Variants in NT5DC1 observed in about 807,000 individuals in gnomAD.
The protein encoded by NT5DC1 is 5'-nucleotidase domain containing 1, also known as 5'-nucleotidase domain-containing protein 1.
Under a neutral mutation model 59.4 loss-of-function variants are expected in NT5DC1, and 42 were observed. The ratio of observed to expected loss-of-function variants is 0.71; its 90% CI spans 0.55 to 0.92. The LOEUF (loss-of-function observed/expected upper bound fraction) is 0.92. NT5DC1 is among the 40% of genes least tolerant of loss of function. NT5DC1 has a pLI of 0.00. For missense variants in NT5DC1, 501 were observed against 537.1 expected (o/e 0.93, Z 0.66); for synonymous variants, 172 against 188.1 (o/e 0.91, Z 0.70).
At chr6:116,216,960 A>C (rs1781698892) in intron 6 of NT5DC1, among the ~76,000 whole-genome samples, 1 of 152,164 alleles carries the variant, frequency 6.6e-6, no homozygotes, top group South Asian at 2.1e-4. Flanking sequence ...TCTGCAATGG[A>C]AACAACAGAC....
intron 6 of NT5DC1, among the ~76,000 whole-genome samples, chr6:116,138,463 T>C (rs1779678918): frequency 6.6e-6 from 1 of 152,208 alleles, no homozygotes; most frequent in Non-Finnish European, 1.5e-5. Flanking sequence ...AACACTGTTT[T>C]TAATTCTTTA....
intron 6 of NT5DC1, among the ~76,000 whole-genome samples, chr6:116,156,936 C>A (rs532372642): frequency 4.3e-4 from 65 of 152,212 alleles, no homozygotes; most frequent in South Asian, 3.5e-3. Flanking sequence ...GTGCATTGAC[C>A]AGCCACTCAC....
At chr6:116,154,173 A>G (rs563414166) in intron 6 of NT5DC1, among the ~76,000 whole-genome samples, 1 of 151,990 alleles carries the variant, frequency 6.6e-6, no homozygotes, top group African/African-American at 2.4e-5. Flanking sequence ...GAGTCTATTG[A>G]TTTTACTTTT....
At chr6:116,161,570 C>G (rs547364450) in intron 6 of NT5DC1, among the ~76,000 whole-genome samples, 1 of 152,148 alleles carries the variant, frequency 6.6e-6, no homozygotes, top group South Asian at 2.1e-4. Flanking sequence ...GTTCTCTATT[C>G]TGCTCCATTG....
intron 6 of NT5DC1, among the ~76,000 whole-genome samples, chr6:116,184,646 C>T (rs1222672212): frequency 6.6e-6 from 1 of 152,004 alleles, no homozygotes; most frequent in South Asian, 2.1e-4. Context: ...TTATCCATCT[C>T]CTCTAGGTTT....
chr6:116,231,062 C>T (rs900181936), intron 8 of NT5DC1, among the ~76,000 whole-genome samples: 2 of 142,162 alleles, frequency 1.4e-5, no homozygotes, highest in African/African-American at 5.2e-5. Flanking sequence ...GCCGAGATAG[C>T]GCCATTGCAC....
intron 6 of NT5DC1, among the ~76,000 whole-genome samples, chr6:116,131,536 A>G (rs1779465328): frequency 6.6e-6 from 1 of 152,210 alleles, no homozygotes; most frequent in Non-Finnish European, 1.5e-5. Context: ...AGATCATTGC[A>G]GAACATTGTG....
At chr6:116,122,159 C>T (rs554426205) in intron 6 of NT5DC1, among the ~76,000 whole-genome samples, 1 of 152,224 alleles carries the variant, frequency 6.6e-6, no homozygotes, top group South Asian at 2.1e-4. Flanking sequence ...GATGGTTTCA[C>T]AAAACCATGG....
At chr6:116,122,791 A>G (rs771119848) in intron 6 of NT5DC1, among the ~76,000 whole-genome samples, 88 of 152,230 alleles carry the variant, frequency 5.8e-4, no homozygotes, top group Non-Finnish European at 1.1e-3. Context: ...ATATGCCGAA[A>G]TAGGAAAATA....
intron 6 of NT5DC1, chr6:116,120,058 T>C: frequency 6.8e-7 from 1 of 1,468,520 alleles, no homozygotes; most frequent in Non-Finnish European, 9.0e-7. Context: ...AGATTTAGAT[T>C]AGCTCTGTGT....
intron 8 of NT5DC1, among the ~76,000 whole-genome samples, chr6:116,226,756 A>T (rs543455432): frequency 1.3e-5 from 2 of 152,242 alleles, no homozygotes; most frequent in East Asian, 3.9e-4. Context: ...CTGATAATAA[A>T]TATACCATTT....
intron 6 of NT5DC1, chr6:116,118,990 G>C (rs1485371369): frequency 6.6e-6 from 1 of 152,498 alleles, no homozygotes; most frequent in African/African-American, 2.4e-5. Context: ...GTTGAGAACA[G>C]CAAATTGCTG....
At chr6:116,121,922 G>A in intron 6 of NT5DC1, 1 of 1,613,676 alleles carries the variant, frequency 6.2e-7, no homozygotes, top group African/African-American at 1.3e-5. Flanking sequence ...AGCAGGGCCT[G>A]GTGGACCAGG....
intron 6 of NT5DC1, among the ~76,000 whole-genome samples, chr6:116,201,554 G>C (rs1014221721): frequency 5.3e-5 from 8 of 151,982 alleles, no homozygotes; most frequent in Non-Finnish European, 1.2e-4. Flanking sequence ...GTGAGCATTT[G>C]CCAGAGTCAG....
intron 4 of NT5DC1, among the ~76,000 whole-genome samples, chr6:116,113,844 G>T (rs919124211): frequency 1.4e-4 from 21 of 152,306 alleles, no homozygotes; most frequent in African/African-American, 4.6e-4. Context: ...GCAATGCTGG[G>T]ATGCTTCCTG....
At chr6:116,176,916 C>CT (rs35972771) in intron 6 of NT5DC1, among the ~76,000 whole-genome samples, 3 of 152,088 alleles carry the variant, frequency 2.0e-5, no homozygotes, top group Non-Finnish European at 4.4e-5. Context: ...GAAAGGGGCC[C>CT]TTTTTTTGCC....
At chr6:116,163,656 A>G (rs1312098064) in intron 6 of NT5DC1, among the ~76,000 whole-genome samples, 1 of 151,948 alleles carries the variant, frequency 6.6e-6, no homozygotes, top group African/African-American at 2.4e-5. Flanking sequence ...TACTTCTGCT[A>G]GTTTTGGGTT....
At chr6:116,172,636 T>C (rs548859070) in intron 6 of NT5DC1, among the ~76,000 whole-genome samples, 1 of 152,258 alleles carries the variant, frequency 6.6e-6, no homozygotes, top group South Asian at 2.1e-4. Context: ...TAGTAACATA[T>C]ATACTTTGTA....
intron 6 of NT5DC1, among the ~76,000 whole-genome samples, chr6:116,136,359 C>G (rs971791432): frequency 6.6e-6 from 1 of 151,958 alleles, no homozygotes. Flanking sequence ...GGGGCTGACA[C>G]CTGTCATTTC....
Sources: allele counts gnomAD v4.1 joint callset (sites outside exome capture counted in the v4.1 genomes callset), GRCh38; gene constraint gnomAD v4.1.1; transcripts MANE v1.5; gene names NCBI Gene and HGNC (gene_info 2026-07-23, HGNC 2026-07-21).